Variants in CDKN1C observed in about 807,000 individuals in gnomAD.
CDKN1C encodes the protein cyclin-dependent kinase inhibitor 1C.
Under a neutral mutation model 16.5 loss-of-function variants are expected in CDKN1C, and 7 were observed. That is an observed-to-expected ratio of 0.42 (90% CI 0.24 to 0.80). The LOEUF (loss-of-function observed/expected upper bound fraction) is 0.80. Ranked by LOEUF, CDKN1C falls within the 30% of genes least tolerant of loss-of-function variation. CDKN1C has a pLI of 0.26. For synonymous variants in CDKN1C, 288 were observed against 214.4 expected, an observed-to-expected ratio of 1.34 and a Z score of -3.00; for missense variants, 429 against 437.3, an observed-to-expected ratio of 0.98 and a Z score of 0.17.
intron 2 of CDKN1C, 107 bp from the exon 3 acceptor site, chr11:2,884,241 T>C: frequency 1.4e-6 from 1 of 740,188 alleles, no homozygotes; most frequent in Non-Finnish European, 1.7e-6. Context: ...GGGGGCGCCG[T>C]CCCCGCCCGC....
In CDKN1C at chr11:2,885,417, C is replaced by G. The variant is rs758244300; in HGVS notation, c.40G>C (p.Val14Leu). Residue 14 changes from valine to leucine, a missense_variant, in exon 2 of 4, where the codon GTG (valine) becomes CTG (leucine). Transcript: ENST00000440480. ...AGGCTGCGGCAGGCGCTGGTGCGCA[C>G]TAGTACTGGGAAGGTCCCACGGGCG... The part of the protein sequence containing the change: ...LVARGTFPVL[V>L]RTSACRSLFG... 7 of 1,552,400 alleles carry G rather than the reference C, an allele frequency of 4.5e-6. No individual in the cohort carries two copies. The highest frequency in any genetic ancestry group is 1.2e-5 in the South Asian group (1 of 84,760).
rs1402483625 is a variant in CDKN1C at position 2,885,315 on chromosome 11, T to A, written c.142A>T (p.Asn48Tyr). ...RLAELNAEDQ[N>Y]RWDYDFQQDM... ...TGCTGGAAGTCGTAATCCCAGCGGT[T>A]CTGGTCCTCGGCGTTCAGCTCGGCC... Residue 48 changes from asparagine to tyrosine, a missense_variant, in exon 2 of 4, where the codon AAC (asparagine) becomes TAC (tyrosine). Coordinates refer to ENST00000440480, the MANE Select transcript of CDKN1C (RefSeq NM_001122630.2). 1 of 1,600,186 alleles carries A rather than the reference T, an allele frequency of 6.2e-7. No individual in the cohort carries two copies. Among genetic ancestry groups the A allele is most frequent in the Non-Finnish European group, 8.5e-7 (1 of 1,174,892 alleles).
rs1161543117 is a variant in CDKN1C, at chr11:2,884,020, C to G, written c.902G>C (p.Arg301Pro). 1 of 1,558,148 alleles carries G rather than the reference C, an allele frequency of 6.4e-7. No homozygotes were observed. Among genetic ancestry groups the G allele is most frequent in the South Asian group, 1.2e-5 (1 of 84,970 alleles). Residue 301 changes from arginine (R) to proline (P), a missense_variant, in exon 3 of 4, where the codon CGC becomes CCC. Physicochemically the swap from Arg to Pro is moderately radical, Grantham distance 103. Transcript: ENST00000440480. ...PGVGSVEQTPRKRLR is the reference protein window; with the variant it reads ...PGVGSVEQTPPKRLR ...TCACTTGGCTCACCGCAGCCTCTTG[C>G]GCGGGGTCTGCTCCACCGAGCCCAC...
Position 2,885,450 on chromosome 11 carries a change from G to T in CDKN1C, c.7C>A (p.Arg3Ser), listed in dbSNP as rs1848982412. ME[R>S]LVARGTFPVL... is the part of the protein sequence containing the mutation. ...GGGAAGGTCCCACGGGCGACAAGAC[G>T]CTCCATCGTGGATGTGCTGCGGAGG... Residue 3 changes from arginine to serine, a missense_variant, in exon 2 of 4, where the codon CGT (arginine) becomes AGT (serine). Arg to Ser is a moderately radical substitution (Grantham distance 110). Coordinates refer to ENST00000440480, the MANE Select transcript of CDKN1C (RefSeq NM_001122630.2). 1 of 1,546,586 alleles carries T rather than the reference G, an allele frequency of 6.5e-7. No homozygotes were observed. Among genetic ancestry groups the T allele is most frequent in the Non-Finnish European group, 8.7e-7 (1 of 1,147,706 alleles).
chr11:2,883,882 C>T lies in CDKN1C; in HGVS notation c.*39G>A, dbSNP rs1403632913. The T allele has an allele frequency of 1.3e-6, 2 of 1,569,256 alleles. No individual in the cohort carries two copies. Among genetic ancestry groups the T allele is most frequent in the Non-Finnish European group, 1.7e-6 (2 of 1,156,986 alleles). On this transcript the variant is annotated 3_prime_UTR_variant, in exon 4 of 4. Coordinates refer to ENST00000440480, the MANE Select transcript of CDKN1C (RefSeq NM_001122630.2). ...AGCGCCCTTCCAACGTCCGCTGCCCCGGCAGGTTCCCTCGGGGCTCTTTGG... is the reference window on the plus strand; with the variant it reads ...AGCGCCCTTCCAACGTCCGCTGCCCTGGCAGGTTCCCTCGGGGCTCTTTGG...
intron 2 of CDKN1C, 21 bp from the exon 3 acceptor site, chr11:2,884,155 G>C: frequency 6.8e-7 from 1 of 1,462,262 alleles, no homozygotes. Flanking sequence ...CAGCGCGCGC[G>C]GCCGGTCAGG....
intron 1 of CDKN1C, 67 bp from the exon 2 acceptor site, chr11:2,885,533 A>G (rs1287053177): frequency 6.5e-7 from 1 of 1,535,786 alleles, no homozygotes; most frequent in African/African-American, 1.4e-5. Flanking sequence ...AGGAGAGGAC[A>G]GCGAGAAGAA....
chr11:2,884,169 G>A, intron 2 of CDKN1C, 35 bp from the exon 3 acceptor site: 1 of 1,353,158 alleles, frequency 7.4e-7, no homozygotes, highest in Non-Finnish European at 9.6e-7. Flanking sequence ...GGTCAGGGCG[G>A]GGCCGGCCCG....
At chr11:2,884,159 G>T in intron 2 of CDKN1C, 25 bp from the exon 3 acceptor site, 1 of 1,459,070 alleles carries the variant, frequency 6.9e-7, no homozygotes, top group Non-Finnish European at 9.1e-7. Flanking sequence ...GCGCGCGGCC[G>T]GTCAGGGCGG....
In CDKN1C at chr11:2,884,942, G is replaced by A. The variant is rs1163195873; in HGVS notation, c.515C>T (p.Ala172Val). 3 of 974,414 alleles carry A rather than the reference G, an allele frequency of 3.1e-6. No homozygotes were observed. Among genetic ancestry groups the A allele is most frequent in the Non-Finnish European group, 3.8e-6 (3 of 782,036 alleles). The allele number at this position is 974,414 out of a possible 1,614,324, so 60.4% of individuals were successfully genotyped here. A position where few individuals can be genotyped will look rare whatever the true frequency, so the allele number is the denominator to read the frequency against. The change falls in exon 2 of 4, where the codon GCC (alanine) becomes GTC (valine). Residue 172 changes from alanine to valine, a missense_variant. Ala to Val is a moderately conservative substitution (Grantham distance 64, BLOSUM62 0). Coordinates refer to ENST00000440480, the MANE Select transcript of CDKN1C (RefSeq NM_001122630.2). ...GGCCGGAGCCGGAGCCGGAGCCGGGGCCGGGGCCGGGGCCAGGACCGCGAC... is the reference window on the plus strand; with the variant it reads ...GGCCGGAGCCGGAGCCGGAGCCGGGACCGGGGCCGGGGCCAGGACCGCGAC... ...VAVAVLAPAPAPAPAPAPAPA... is the reference protein window; with the variant it reads ...VAVAVLAPAPVPAPAPAPAPA...
In CDKN1C at chr11:2,883,556, TAA is replaced by T. The variant is rs1848851953; in HGVS notation, c.*363_*364del. On this transcript the variant is annotated 3_prime_UTR_variant, in exon 4 of 4. Transcript: ENST00000440480. ...CACGCCTGGACATAAATAGAAAATA[TAA>T]GTTAGTATAACTTTAAAAACTTTTT... is the stretch of plus-strand genomic sequence containing the variant. The T allele has an allele frequency of 2.5e-6, 1 of 398,580 alleles. No individual in the cohort carries two copies. Among genetic ancestry groups the T allele is most frequent in the Non-Finnish European group, 4.3e-6 (1 of 231,562 alleles). 24.7% of individuals were successfully genotyped at this position (398,580 alleles called of 1,614,324 possible).
chr11:2,883,848 C>T lies in CDKN1C; in HGVS notation c.*73G>A. On this transcript the variant is annotated 3_prime_UTR_variant, in exon 4 of 4. Coordinates refer to ENST00000440480, the MANE Select transcript of CDKN1C (RefSeq NM_001122630.2). ...GTTGCTGCTACATGAACGGTCCCAG[C>T]CGAGGCCCAGCGCCCTTCCAACGTC... is the stretch of plus-strand genomic sequence containing the variant. 1 of 1,546,992 alleles carries T rather than the reference C, an allele frequency of 6.5e-7. No individual in the cohort carries two copies. The highest frequency in any genetic ancestry group is 8.7e-7 in the Non-Finnish European group (1 of 1,147,216).
At chr11:2,884,541 G>T in intron 2 of CDKN1C, 129 bp downstream of exon 2, 1 of 459,790 alleles carries the variant, frequency 2.2e-6, no homozygotes, top group Non-Finnish European at 3.4e-6. Flanking sequence ...GCCGCGCCCT[G>T]AGCGCTGCGG....
Position 2,884,869 on chromosome 11 carries a change from G to T in CDKN1C, c.588C>A (p.Ala196=). The change falls in exon 2 of 4, where the codon GCC becomes GCA. Residue 196 remains alanine (A), a synonymous_variant. Coordinates refer to ENST00000440480, the MANE Select transcript of CDKN1C (RefSeq NM_001122630.2). ...APAPAPAPAP[A]PAPAPAPAPD... ...GGGCCGGGGCCGGGGCGGGGGCCGG[G>T]GCCGGGGCCGGGGCCGGGGCTGGGG... is the stretch of plus-strand genomic sequence containing the variant. 1 of 834,536 alleles carries T rather than the reference G, an allele frequency of 1.2e-6. No individual in the cohort carries two copies. Among genetic ancestry groups the T allele is most frequent in the East Asian group, 8.8e-5 (1 of 11,362 alleles). 51.7% of individuals were successfully genotyped at this position (834,536 alleles called of 1,614,324 possible). A position where few individuals can be genotyped will look rare whatever the true frequency, so the allele number is the denominator to read the frequency against.
rs1362494669 is a variant in CDKN1C at position 2,883,237 on chromosome 11, CTT to C, written c.*682_*683del. On this transcript the variant is annotated 3_prime_UTR_variant, in exon 4 of 4. Coordinates refer to ENST00000440480, the MANE Select transcript of CDKN1C (RefSeq NM_001122630.2). ...CTGGAGTTGCAGCATTTTTCGGCCT[CTT>C]TATTTAGAACCCGGCGGACGAGGGG... The C allele has an allele frequency of 6.6e-6, 1 of 152,372 alleles. No individual in the cohort carries two copies. The allele number at this position is 152,372 out of a possible 1,614,324, so 9.4% of individuals were successfully genotyped here.
chr11:2,884,911 AGCCGGG>A lies in CDKN1C; in HGVS notation c.540_545del (p.Ala182_Pro183del). Reference sequence around the variant, plus strand: ...GGGCTGGGGCCGGGGCCGCGACTGGAGCCGGGGCCGGAGCCGGAGCCGGAGCCGGGG... The same window carrying A: ...GGGCTGGGGCCGGGGCCGCGACTGGAGCCGGAGCCGGAGCCGGAGCCGGGG... On this transcript the variant is annotated inframe_deletion, in exon 2 of 4. Transcript: ENST00000440480. 1.2e-6 allele frequency: 1 copy of A among 803,750 alleles called. No individual in the cohort carries two copies. Among genetic ancestry groups the A allele is most frequent in the Non-Finnish European group, 1.5e-6 (1 of 667,532 alleles). The allele number at this position is 803,750 out of a possible 1,614,324, so 49.8% of individuals were successfully genotyped here. A position where few individuals can be genotyped will look rare whatever the true frequency, so the allele number is the denominator to read the frequency against.
chr11:2,884,896 C>CGGGGCT lies in CDKN1C; in HGVS notation c.560_561insAGCCCC (p.Ala204_Pro205dup), dbSNP rs1848937405. 1.1e-6 allele frequency: 1 copy of CGGGGCT among 881,570 alleles called. No homozygotes were observed. The highest frequency in any genetic ancestry group is 1.4e-6 in the Non-Finnish European group (1 of 729,072). 54.6% of individuals were successfully genotyped at this position (881,570 alleles called of 1,614,324 possible). A position where few individuals can be genotyped will look rare whatever the true frequency, so the allele number is the denominator to read the frequency against. On this transcript the variant is annotated inframe_insertion, in exon 2 of 4. Transcript: ENST00000440480. ...CCGGGGCCGGGGCCGGGGCTGGGGC[C>CGGGGCT]GGGGCCGCGACTGGAGCCGGGGCCG...
At position 2,885,565 on chromosome 11, in the gene CDKN1C, G is replaced by C. The variant is rs573428261; in HGVS notation, c.-11+69C>G. 2.0e-5 allele frequency: 30 copies of C among 1,510,564 alleles called. 1 individual carries two copies. In the South Asian group the frequency reaches 3.3e-4, roughly 17 times the overall value. The allele number at this position is 1,510,564 out of a possible 1,614,324, so 93.6% of individuals were successfully genotyped here. A position where few individuals can be genotyped will look rare whatever the true frequency, so the allele number is the denominator to read the frequency against. Reference sequence around the variant, plus strand: ...AGAAGGGGAAAGGAGAGGAGGAGAGGGCGGAGGCCGGGCGCAAGGGAGACC... The same window carrying C: ...AGAAGGGGAAAGGAGAGGAGGAGAGCGCGGAGGCCGGGCGCAAGGGAGACC... On this transcript the variant is annotated intron_variant, in intron 1 of 3. Transcript: ENST00000440480.
In CDKN1C at chr11:2,885,117, A is replaced by G. The variant is rs1319558011; in HGVS notation, c.340T>C (p.Ser114Pro). The change falls in exon 2 of 4, where the codon TCC (serine) becomes CCC (proline). Residue 114 changes from serine to proline, a missense_variant. Ser to Pro is a moderately conservative substitution (Grantham distance 74). Transcript: ENST00000440480. ...VSPPLEPAAE[S>P]LDGLEEAPEQ... ...GGCGCCTCCTCGAGGCCGTCGAGGG[A>G]CTCAGCGGCCGGCTCGAGGGGCGGG... 4 of 1,464,916 alleles carry G rather than the reference A, an allele frequency of 2.7e-6. No individual in the cohort carries two copies. In the African/African-American group the frequency reaches 5.9e-5, roughly 22 times the overall value. 90.7% of individuals were successfully genotyped at this position (1,464,916 alleles called of 1,614,324 possible). A position where few individuals can be genotyped will look rare whatever the true frequency, so the allele number is the denominator to read the frequency against.
Sources: allele counts gnomAD v4.1 joint callset, GRCh38; gene constraint gnomAD v4.1.1; transcripts MANE v1.5; gene names NCBI Gene and HGNC (gene_info 2026-07-23, HGNC 2026-07-21).